Variants in VAMP4 observed in about 807,000 individuals in gnomAD.
VAMP4 encodes vesicle-associated membrane protein 4.
In VAMP4, 19 loss-of-function variants were observed where a neutral mutation model predicts 23.5. The observed-to-expected ratio is 0.81, with a 90% confidence interval of 0.56 to 1.19. The LOEUF is 1.19. Among genes scored for constraint, VAMP4 ranks in the 50% most tolerant of loss-of-function variants. The probability of loss-of-function intolerance (pLI) is 0.00; values close to 1 mark genes in which losing one functional copy is unlikely to be tolerated. For missense variants in VAMP4, 145 were observed against 168.6 expected (o/e 0.86, Z 0.78); for synonymous variants, 31 against 51.0 (o/e 0.61, Z 1.67).
chr1:171,717,231 C>T (rs1572244418), intron 4 of VAMP4, among the ~76,000 whole-genome samples: 1 of 152,114 alleles, frequency 6.6e-6, no homozygotes, highest in East Asian at 1.9e-4. Context: ...TCAGTGGAGG[C>T]CTCTTCTCCA....
chr1:171,719,840 T>C (rs1206252644), intron 3 of VAMP4, among the ~76,000 whole-genome samples: 2 of 152,052 alleles, frequency 1.3e-5, no homozygotes, highest in East Asian at 3.8e-4. Context: ...TATCACACCT[T>C]AACCAATCCA....
chr1:171,707,420 T>C (rs1385349480), intron 6 of VAMP4, among the ~76,000 whole-genome samples: 1 of 152,198 alleles, frequency 6.6e-6, no homozygotes, highest in East Asian at 1.9e-4. Context: ...AGTTTCCTCA[T>C]GACCTGTTGT....
intron 3 of VAMP4, among the ~76,000 whole-genome samples, chr1:171,727,447 G>C (rs954388354): frequency 5.3e-5 from 8 of 152,126 alleles, no homozygotes; most frequent in Admixed American, 2.0e-4. Flanking sequence ...TGGCTAGAAT[G>C]AAAGAGGCTG....
intron 1 of VAMP4, 45 bp downstream of exon 1, chr1:171,741,865 T>G (rs144368383): frequency 2.0e-5 from 3 of 151,744 alleles, no homozygotes; most frequent in Non-Finnish European, 2.9e-5. Context: ...GTTTCCTTCC[T>G]CCTCACACCA....
rs1184816548 is a variant in VAMP4, at chr1:171,710,840, T to C, written c.165-26A>G. ...CTAGTTTAAAAAAGATACACAATTATTTATCCTTCTTTTGAGAATGCTTAC... is the reference window on the plus strand; with the variant it reads ...CTAGTTTAAAAAAGATACACAATTACTTATCCTTCTTTTGAGAATGCTTAC... On this transcript the variant is annotated intron_variant, in intron 4 of 7. Coordinates refer to ENST00000236192, the MANE Select transcript of VAMP4 (RefSeq NM_003762.5). 7 of 1,507,778 alleles carry C rather than the reference T, an allele frequency of 4.6e-6. No homozygotes were observed. In the African/African-American group the frequency reaches 9.7e-5, roughly 21 times the overall value. 93.4% of individuals were successfully genotyped at this position (1,507,778 alleles called of 1,614,324 possible).
intron 3 of VAMP4, among the ~76,000 whole-genome samples, chr1:171,728,262 A>G (rs1334822393): frequency 6.6e-6 from 1 of 152,170 alleles, no homozygotes; most frequent in Non-Finnish European, 1.5e-5. Flanking sequence ...AGTTATCAAC[A>G]TCTTCTTGGC....
intron 3 of VAMP4, among the ~76,000 whole-genome samples, chr1:171,724,856 T>G (rs34627492): frequency 0.14 from 20,808 of 152,202 alleles, 1,843 homozygotes; most frequent in Non-Finnish European, 0.2. Context: ...GTGATTACTA[T>G]GGTATTGATG....
chr1:171,705,232 T>C (rs1345783876), intron 7 of VAMP4, among the ~76,000 whole-genome samples: 3 of 152,178 alleles, frequency 2.0e-5, no homozygotes, highest in African/African-American at 4.8e-5. Flanking sequence ...TCAGTAACAC[T>C]GTGCTCAAGG....
At chr1:171,710,260 G>A (rs986323262) in intron 5 of VAMP4, among the ~76,000 whole-genome samples, 1 of 151,288 alleles carries the variant, frequency 6.6e-6, no homozygotes. Flanking sequence ...TATTTGAGTG[G>A]CAAGTACGTG....
At chr1:171,739,526 G>A (rs1213421683) in intron 1 of VAMP4, among the ~76,000 whole-genome samples, 1 of 152,178 alleles carries the variant, frequency 6.6e-6, no homozygotes, top group African/African-American at 2.4e-5. Context: ...AGGGATTGTG[G>A]GAACTCTGAT....
Position 171,710,861 on chromosome 1 carries a change from C to T in VAMP4, c.165-47G>A, listed in dbSNP as rs550962628. ...ATTATTTATCCTTCTTTTGAGAATGCTTACAATTTTTAAAACTTTCATTAG... is the reference window on the plus strand; with the variant it reads ...ATTATTTATCCTTCTTTTGAGAATGTTTACAATTTTTAAAACTTTCATTAG... On this transcript the variant is annotated intron_variant, in intron 4 of 7. Transcript: ENST00000236192. The T allele has an allele frequency of 8.6e-6, 12 of 1,398,010 alleles. No homozygotes were observed. In the South Asian group the frequency reaches 1.5e-4, roughly 18 times the overall value. 86.6% of individuals were successfully genotyped at this position (1,398,010 alleles called of 1,614,324 possible).
At chr1:171,716,122 G>A (rs1427258491) in intron 4 of VAMP4, among the ~76,000 whole-genome samples, 1 of 152,120 alleles carries the variant, frequency 6.6e-6, no homozygotes, top group Admixed American at 6.6e-5. Context: ...CTGTATTTTT[G>A]CAACTACATA....
chr1:171,706,217 T>A (rs1572237361), intron 7 of VAMP4, 150 bp downstream of exon 7: 1 of 579,838 alleles, frequency 1.7e-6, no homozygotes, highest in East Asian at 3.1e-5. Context: ...TTTTCAGAGA[T>A]CAATAGATTC....
intron 2 of VAMP4, among the ~76,000 whole-genome samples, chr1:171,731,707 T>C (rs1212371139): frequency 6.6e-6 from 1 of 152,194 alleles, no homozygotes; most frequent in Non-Finnish European, 1.5e-5. Context: ...AAAAACTATA[T>C]GTGATTAGGG....
At position 171,704,472 on chromosome 1, in the gene VAMP4, C is replaced by T. The variant is rs1654582731; in HGVS notation, c.*34G>A. ...ATGCAGCAATCTTTTATTACTGTCC[C>T]AGATCTTGTTTAATGAAGATCTCTG... On this transcript the variant is annotated 3_prime_UTR_variant, in exon 8 of 8. Transcript: ENST00000236192. 6.5e-7 allele frequency: 1 copy of T among 1,548,964 alleles called. No homozygotes were observed. The highest frequency in any genetic ancestry group is 1.4e-5 in the African/African-American group (1 of 72,236).
intron 4 of VAMP4, 103 bp downstream of exon 4, chr1:171,719,068 A>G (rs1325428260): frequency 1.0e-6 from 1 of 969,972 alleles, no homozygotes; most frequent in Non-Finnish European, 1.5e-6. Context: ...AACTTTATTT[A>G]CAAAAACAGG....
At position 171,723,969 on chromosome 1, in the gene VAMP4, C is replaced by T. The variant is rs111824002; in HGVS notation, c.113+4555G>A. On this transcript the variant is annotated intron_variant, in intron 3 of 7. Coordinates refer to ENST00000236192, the MANE Select transcript of VAMP4 (RefSeq NM_003762.5). The stretch of plus-strand genomic sequence containing the variant: ...TTCAGCCAGTCCCTCCATTCGGGGT[C>T]GCTGACTTCCCACAACGGATTATAA... Among the ~76,000 whole-genome samples the T allele has an allele frequency of 3.2e-3, 481 of 152,256 alleles. 4 individuals carry two copies. Among genetic ancestry groups the T allele is most frequent in the African/African-American group, 0.011 (457 of 41,554 alleles).
rs2124834341 is a variant in VAMP4 at position 171,704,470 on chromosome 1, C to T, written c.*36G>A. On this transcript the variant is annotated 3_prime_UTR_variant, in exon 8 of 8. Coordinates refer to ENST00000236192, the MANE Select transcript of VAMP4 (RefSeq NM_003762.5). ...TTATGCAGCAATCTTTTATTACTGT[C>T]CCAGATCTTGTTTAATGAAGATCTC... 6.5e-7 allele frequency: 1 copy of T among 1,548,716 alleles called. No individual in the cohort carries two copies. Among genetic ancestry groups the T allele is most frequent in the East Asian group, 2.4e-5 (1 of 42,464 alleles).
intron 3 of VAMP4, among the ~76,000 whole-genome samples, chr1:171,725,996 G>C (rs1012768232): frequency 8.6e-5 from 13 of 151,208 alleles, no homozygotes; most frequent in Admixed American, 5.3e-4. Context: ...CCAGGTTTCC[G>C]TTAATTTTTA....
Sources: gnomAD v4.1 joint callset for allele counts (sites outside exome capture counted in the v4.1 genomes callset) on GRCh38, gnomAD v4.1.1 for gene constraint, MANE v1.5 for transcripts, NCBI Gene and HGNC (gene_info 2026-07-23, HGNC 2026-07-21) for gene names.